The following MAP2K5 variants were observed in gnomAD, a reference collection of about 807,000 sequenced individuals.
The protein encoded by MAP2K5 is dual specificity mitogen-activated protein kinase kinase 5.
A neutral mutation model predicts 83.1 loss-of-function variants in MAP2K5; 49 were observed. The observed-to-expected ratio is 0.59, with a 90% CI of 0.47 to 0.75. MAP2K5 has a LOEUF of 0.75. Among genes scored for constraint, MAP2K5 ranks in the 30% least tolerant of loss-of-function variants. The pLI is 0.00. For missense variants in MAP2K5, 457 were observed against 557.5 expected, an observed-to-expected ratio of 0.82 and a Z score of 1.82; for synonymous variants, 202 against 191.8, an observed-to-expected ratio of 1.05 and a Z score of -0.44.
Position 67,785,241 on chromosome 15 carries a change from G to A in MAP2K5, c.1242+12489G>A, listed in dbSNP as rs533182858. Among the ~76,000 whole-genome samples the A allele has an allele frequency of 1.3e-5, 2 of 152,232 alleles. No individual in the cohort carries two copies. Among genetic ancestry groups the A allele is most frequent in the African/African-American group, 2.4e-5 (1 of 41,524 alleles). On this transcript the variant is annotated intron_variant, in intron 21 of 21. Coordinates refer to ENST00000178640, the MANE Select transcript of MAP2K5 (RefSeq NM_145160.3). This position sits in a 1 kb window ranked among gnomAD's most constrained non-coding sequence, Gnocchi z 4.4. ...ATTACAGGTGTGAGCCACCGTGCCC[G>A]GCCCCGAACTGTTTCTTAAACACAG...
chr15:67,658,239 T>C (rs914004325), intron 11 of MAP2K5, among the ~76,000 whole-genome samples: 6 of 152,166 alleles, frequency 3.9e-5, no homozygotes, highest in African/African-American at 1.4e-4. Context: ...AATAGTCATA[T>C]TGATCTTTAT....
intron 13 of MAP2K5, among the ~76,000 whole-genome samples, chr15:67,680,936 T>C: frequency 6.6e-6 from 1 of 152,222 alleles, no homozygotes; most frequent in Non-Finnish European, 1.5e-5. Context: ...GTTAACCTCA[T>C]TTAGCATTTG....
Position 67,748,137 on chromosome 15 carries a change from A to G in MAP2K5, c.1075-94A>G. ...TGTTAACACATGCCCACAAATTGCC[A>G]CCAGCAATGCAATAATTTTCTCTCA... On this transcript the variant is annotated intron_variant, in intron 17 of 21. Coordinates refer to ENST00000178640, the MANE Select transcript of MAP2K5 (RefSeq NM_145160.3). The surrounding 1 kb of genome is among the most constrained non-coding windows in gnomAD (Gnocchi z 4.0). 1.2e-6 allele frequency: 1 copy of G among 850,464 alleles called. No individual in the cohort carries two copies. The highest frequency in any genetic ancestry group is 1.7e-5 in the African/African-American group (1 of 59,698). 52.7% of individuals were successfully genotyped at this position (850,464 alleles called of 1,614,324 possible).
Position 67,786,279 on chromosome 15 carries a change from G to A in MAP2K5, c.1242+13527G>A, listed in dbSNP as rs1417032307. On this transcript the variant is annotated intron_variant, in intron 21 of 21. Coordinates refer to ENST00000178640, the MANE Select transcript of MAP2K5 (RefSeq NM_145160.3). This position sits in a 1 kb window ranked among gnomAD's most constrained non-coding sequence, Gnocchi z 4.7. The stretch of plus-strand genomic sequence containing the variant: ...CACTGAATTGGTAGTCTCTTGGGGT[G>A]GTCTCTGTGGTTGAAAATCCAAACA... Among the ~76,000 whole-genome samples, 1 of 151,974 alleles carries A rather than the reference G, an allele frequency of 6.6e-6. No individual in the cohort carries two copies. Among genetic ancestry groups the A allele is most frequent in the African/African-American group, 2.4e-5 (1 of 41,336 alleles).
chr15:67,593,325 A>G (rs755299907), intron 7 of MAP2K5, among the ~76,000 whole-genome samples: 17 of 152,182 alleles, frequency 1.1e-4, no homozygotes, highest in African/African-American at 2.2e-4. Context: ...AAAAACCATT[A>G]CTTTCTCACC....
chr15:67,686,013 G>T (rs1393006395), intron 13 of MAP2K5, among the ~76,000 whole-genome samples: 1 of 152,168 alleles, frequency 6.6e-6, no homozygotes, highest in African/African-American at 2.4e-5. Context: ...CCAACCTCTG[G>T]CTTAGAAGCA....
At chr15:67,684,403 A>G (rs1404278979) in intron 13 of MAP2K5, among the ~76,000 whole-genome samples, 1 of 152,222 alleles carries the variant, frequency 6.6e-6, no homozygotes, top group Non-Finnish European at 1.5e-5. Flanking sequence ...CAACTCTCCT[A>G]AAATAAAAGG....
At chr15:67,765,788 C>G (rs2090030957) in intron 19 of MAP2K5, among the ~76,000 whole-genome samples, 1 of 152,152 alleles carries the variant, frequency 6.6e-6, no homozygotes, top group African/African-American at 2.4e-5. Flanking sequence ...CTGCTACTTG[C>G]CTTTTTTTAT....
chr15:67,642,451 A>T, intron 9 of MAP2K5: 2 of 1,611,436 alleles, frequency 1.2e-6, no homozygotes, highest in Non-Finnish European at 1.7e-6. Context: ...CAGAATGTAC[A>T]TATTGAGGGC....
intron 13 of MAP2K5, among the ~76,000 whole-genome samples, chr15:67,682,588 C>T (rs923897843): frequency 6.6e-6 from 1 of 150,744 alleles, no homozygotes; most frequent in Non-Finnish European, 1.5e-5. Context: ...AATCCCAGCA[C>T]TTTGGGAGGC....
chr15:67,571,069 A>G (rs1381681815), intron 3 of MAP2K5, among the ~76,000 whole-genome samples: 1 of 152,202 alleles, frequency 6.6e-6, no homozygotes, highest in African/African-American at 2.4e-5. Context: ...AGTCGTTACT[A>G]TGTCTATATC....
At chr15:67,655,683 T>C (rs1394227141) in intron 11 of MAP2K5, among the ~76,000 whole-genome samples, 1 of 152,208 alleles carries the variant, frequency 6.6e-6, no homozygotes, top group Admixed American at 6.5e-5. Context: ...ATAATGTGTA[T>C]AGATGTAGAT....
rs969534150 is a variant in MAP2K5 at position 67,543,584 on chromosome 15, T to A, written c.135+114T>A. ...GTGGCAATGGCTACTGCTGGCTTCCTGTGGAGGCAGTTTTATTGCTTCAGG... is the reference window on the plus strand; with the variant it reads ...GTGGCAATGGCTACTGCTGGCTTCCAGTGGAGGCAGTTTTATTGCTTCAGG... On this transcript the variant is annotated intron_variant, in intron 1 of 21. Transcript: ENST00000178640. The surrounding 1 kb of genome is among the most constrained non-coding windows in gnomAD (Gnocchi z 4.3). 18 of 1,237,814 alleles carry A rather than the reference T, an allele frequency of 1.5e-5. No homozygotes were observed. The highest frequency in any genetic ancestry group is 1.9e-5 in the Non-Finnish European group (17 of 871,822). 76.7% of individuals were successfully genotyped at this position (1,237,814 alleles called of 1,614,324 possible). A position where few individuals can be genotyped will look rare whatever the true frequency, so the allele number is the denominator to read the frequency against.
chr15:67,732,712 T>C (rs2089248272), intron 17 of MAP2K5, among the ~76,000 whole-genome samples: 1 of 152,172 alleles, frequency 6.6e-6, no homozygotes, highest in African/African-American at 2.4e-5. Context: ...GATTTTCATC[T>C]TGTTGTTAAT....
At chr15:67,655,707 T>A (rs953241469) in intron 11 of MAP2K5, among the ~76,000 whole-genome samples, 10 of 151,626 alleles carry the variant, frequency 6.6e-5, no homozygotes, top group African/African-American at 2.2e-4. Context: ...TTTGAGTTTA[T>A]CCTATATGAA....
At chr15:67,678,844 G>C (rs999803521) in intron 13 of MAP2K5, among the ~76,000 whole-genome samples, 1 of 151,362 alleles carries the variant, frequency 6.6e-6, no homozygotes, top group Non-Finnish European at 1.5e-5. Context: ...AGCACCTGTA[G>C]TCCCAGCTAC....
rs1394840505 is a variant in MAP2K5 at position 67,562,965 on chromosome 15, G to A, written c.185-318G>A. On this transcript the variant is annotated intron_variant, in intron 2 of 21. Transcript: ENST00000178640. This position sits in a 1 kb window ranked among gnomAD's most constrained non-coding sequence, Gnocchi z 4.1. ...AAGTGTGGATAGTAGAACAAGACTGGCCTCTCGTTGGTTTTTAGTTCCGCT... is the reference window on the plus strand; with the variant it reads ...AAGTGTGGATAGTAGAACAAGACTGACCTCTCGTTGGTTTTTAGTTCCGCT... Among the ~76,000 whole-genome samples, 2 of 152,058 alleles carry A rather than the reference G, an allele frequency of 1.3e-5. No individual in the cohort carries two copies. Among genetic ancestry groups the A allele is most frequent in the South Asian group, 2.1e-4 (1 of 4,820 alleles).
At chr15:67,591,317 C>T (rs2085403632) in intron 6 of MAP2K5, among the ~76,000 whole-genome samples, 2 of 151,294 alleles carry the variant, frequency 1.3e-5, no homozygotes, top group Admixed American at 6.6e-5. Flanking sequence ...TGCACTCCAG[C>T]CTGGGTGACA....
intron 12 of MAP2K5, 95 bp from the exon 13 acceptor site, chr15:67,664,501 TC>T: frequency 2.7e-6 from 2 of 735,562 alleles, no homozygotes; most frequent in Non-Finnish European, 4.5e-6. Flanking sequence ...ACACCCTGTC[TC>T]AAAAAAAAAA....
Sources: allele counts gnomAD v4.1 joint callset (sites outside exome capture counted in the v4.1 genomes callset), GRCh38; gene constraint gnomAD v4.1.1; non-coding constraint Gnocchi (gnomAD v3.1); transcripts MANE v1.5; gene names NCBI Gene and HGNC (gene_info 2026-07-23, HGNC 2026-07-21).